SLC45A4: variants seen among roughly 807,000 people sequenced by gnomAD.
The protein encoded by SLC45A4 is solute carrier family 45 member 4.
A neutral mutation model predicts 63.7 loss-of-function variants in SLC45A4; 32 were observed. That is an observed-to-expected ratio of 0.50 (90% confidence interval 0.38 to 0.67). The LOEUF (loss-of-function observed/expected upper bound fraction) is 0.67. SLC45A4 is among the 30% of genes least tolerant of loss of function. The pLI, the probability that SLC45A4 is intolerant of heterozygous loss-of-function variation, is 0.00. For synonymous variants in SLC45A4, 535 were observed against 510.0 expected, an observed-to-expected ratio of 1.05 and a Z score of -0.66; for missense variants, 1,027 against 1,157.7, an observed-to-expected ratio of 0.89 and a Z score of 1.64.
At chr8:141,212,671 G>T (rs2154613937) in intron 7 of SLC45A4, 115 bp from the exon 8 acceptor site, 1 of 1,317,690 alleles carries the variant, frequency 7.6e-7, no homozygotes, top group Non-Finnish European at 1.0e-6. Context: ...CTTCCACCGA[G>T]TCTCTTGGCA....
intron 2 of SLC45A4, among the ~76,000 whole-genome samples, chr8:141,233,358 A>T (rs78810055): frequency 6.6e-6 from 1 of 152,190 alleles, no homozygotes; most frequent in Admixed American, 6.5e-5. Context: ...TTACTATTGC[A>T]GTTTATCAAT....
rs1209625548 is a variant in SLC45A4 at position 141,254,891 on chromosome 8, A to C, written c.-400-262T>G. ...GAAAGCAGGATCAAAGAACAGACAGAGAAAAACGCTGGAAATATTCACTCT... is the reference window on the plus strand; with the variant it reads ...GAAAGCAGGATCAAAGAACAGACAGCGAAAAACGCTGGAAATATTCACTCT... On this transcript the variant is annotated intron_variant, in intron 1 of 8. Transcript: ENST00000517878. The surrounding 1 kb of genome is among the most constrained non-coding windows in gnomAD (Gnocchi z 4.5). 2 of 389,248 alleles carry C rather than the reference A, an allele frequency of 5.1e-6. No homozygotes were observed. The highest frequency in any genetic ancestry group is 2.1e-5 in the African/African-American group (1 of 48,014). The allele number at this position is 389,248 out of a possible 1,614,324, so 24.1% of individuals were successfully genotyped here. A position where few individuals can be genotyped will look rare whatever the true frequency, so the allele number is the denominator to read the frequency against.
At chr8:141,219,912 G>C in intron 3 of SLC45A4, 83 bp from the exon 4 acceptor site, 2 of 1,330,156 alleles carry the variant, frequency 1.5e-6, no homozygotes, top group Non-Finnish European at 2.0e-6. Flanking sequence ...CATGGAAGGG[G>C]CATGCGGAGG....
In SLC45A4 at chr8:141,278,747, C is replaced by T. The variant is rs1040318810; in HGVS notation, c.-400-24118G>A. ...GAGAGGAAGCTGGGCTCCTTGCTAA[C>T]GTCTCAACAAGGCACAGACGCACCC... On this transcript the variant is annotated intron_variant, in intron 1 of 8. Coordinates refer to ENST00000517878, the MANE Select transcript of SLC45A4 (RefSeq NM_001286646.2). This position sits in a 1 kb window ranked among gnomAD's most constrained non-coding sequence, Gnocchi z 4.1. Among the ~76,000 whole-genome samples, 3 of 152,262 alleles carry T rather than the reference C, an allele frequency of 2.0e-5. No homozygotes were observed. Among genetic ancestry groups the T allele is most frequent in the Non-Finnish European group, 4.4e-5 (3 of 68,042 alleles).
intron 1 of SLC45A4, among the ~76,000 whole-genome samples, chr8:141,276,430 G>A (rs1829730181): frequency 6.6e-6 from 1 of 152,194 alleles, no homozygotes; most frequent in Non-Finnish European, 1.5e-5. Context: ...ACTGCACTGA[G>A]GTGCTAGTGG....
chr8:141,281,494 C>T (rs546411760), intron 1 of SLC45A4, among the ~76,000 whole-genome samples: 6 of 152,356 alleles, frequency 3.9e-5, no homozygotes, highest in East Asian at 3.9e-4. Context: ...CAGGCTCTCA[C>T]GGACAGAGCG....
At chr8:141,224,443 G>C (rs1217096497) in intron 2 of SLC45A4, 2 of 132,328 alleles carry the variant, frequency 1.5e-5, no homozygotes, top group Non-Finnish European at 3.5e-5. Flanking sequence ...TCAAAGCTGT[G>C]AGTTTTTTGG....
At chr8:141,225,340 C>T (rs1826910611) in intron 2 of SLC45A4, 1 of 152,224 alleles carries the variant, frequency 6.6e-6, no homozygotes, top group Admixed American at 6.5e-5. Flanking sequence ...CCGAACTCTG[C>T]CTGTGGGTTC....
chr8:141,251,602 A>T (rs553911914), intron 2 of SLC45A4, among the ~76,000 whole-genome samples: 1 of 152,104 alleles, frequency 6.6e-6, no homozygotes, highest in East Asian at 1.9e-4. Context: ...CCGGTCTCCT[A>T]CGTCCGAGCC....
At chr8:141,276,330 C>T (rs984254627) in intron 1 of SLC45A4, among the ~76,000 whole-genome samples, 1 of 152,226 alleles carries the variant, frequency 6.6e-6, no homozygotes, top group African/African-American at 2.4e-5. Flanking sequence ...AGATGACTTA[C>T]TGAATCTCAG....
At chr8:141,297,362 C>G (rs765674710) in intron 1 of SLC45A4, among the ~76,000 whole-genome samples, 5 of 152,076 alleles carry the variant, frequency 3.3e-5, no homozygotes, top group African/African-American at 7.2e-5. Flanking sequence ...CCCGCTAAGC[C>G]GAAGCAGAAC....
At chr8:141,284,653 C>T (rs1391417190) in intron 1 of SLC45A4, among the ~76,000 whole-genome samples, 4 of 152,218 alleles carry the variant, frequency 2.6e-5, no homozygotes, top group Non-Finnish European at 5.9e-5. Context: ...CAAAATATTT[C>T]TAGTTTGGCC....
At chr8:141,231,878 A>G (rs1827374390) in intron 2 of SLC45A4, among the ~76,000 whole-genome samples, 1 of 152,222 alleles carries the variant, frequency 6.6e-6, no homozygotes, top group Non-Finnish European at 1.5e-5. Flanking sequence ...GTGAGGGCAA[A>G]TGGCCCGAGA....
At position 141,254,823 on chromosome 8, in the gene SLC45A4, A is replaced by C. The variant is rs143925118; in HGVS notation, c.-400-194T>G. The C allele has an allele frequency of 2.9e-4, 149 of 517,742 alleles. 1 individual carries two copies. In the East Asian group the frequency reaches 6.0e-3, roughly 21 times the overall value. The allele number at this position is 517,742 out of a possible 1,614,324, so 32.1% of individuals were successfully genotyped here. On this transcript the variant is annotated intron_variant, in intron 1 of 8. Coordinates refer to ENST00000517878, the MANE Select transcript of SLC45A4 (RefSeq NM_001286646.2). This position sits in a 1 kb window ranked among gnomAD's most constrained non-coding sequence, Gnocchi z 4.5. Reference sequence around the variant, plus strand: ...ACTTTCTAGAAAAACATTTTCTCATACGAAAGTGAATCCTGGGGAAGGACA... The same window carrying C: ...ACTTTCTAGAAAAACATTTTCTCATCCGAAAGTGAATCCTGGGGAAGGACA...
chr8:141,266,271 T>A (rs1829261494), intron 1 of SLC45A4, among the ~76,000 whole-genome samples: 1 of 152,146 alleles, frequency 6.6e-6, no homozygotes, highest in Non-Finnish European at 1.5e-5. Flanking sequence ...CGCATGGGCC[T>A]GACACCATGG....
rs192565246 is a variant in SLC45A4 at position 141,257,011 on chromosome 8, G to A, written c.-400-2382C>T. ...TGGGATTACAGGCACATGCCACCAC[G>A]CCCAGCTAACTTTTGTATTTTTAGT... On this transcript the variant is annotated intron_variant, in intron 1 of 8. Transcript: ENST00000517878. Among the ~76,000 whole-genome samples, 31 of 152,178 alleles carry A rather than the reference G, an allele frequency of 2.0e-4. No homozygotes were observed. In the East Asian group the frequency reaches 3.5e-3, roughly 17 times the overall value.
intron 1 of SLC45A4, among the ~76,000 whole-genome samples, chr8:141,273,760 GAA>G (rs1369899960): frequency 1.3e-5 from 2 of 152,032 alleles, no homozygotes; most frequent in African/African-American, 4.8e-5. Flanking sequence ...ACCTCAAGCA[GAA>G]AAGAACATAG....
chr8:141,217,033 TTC>T, intron 6 of SLC45A4, 55 bp downstream of exon 6: 2 of 1,560,804 alleles, frequency 1.3e-6, no homozygotes, highest in Non-Finnish European at 1.8e-6. Context: ...TCGTCTGCAT[TTC>T]TAATCACTGA....
rs1826852210 is a variant in SLC45A4, at chr8:141,224,432, T to G, written c.242-2667A>C. 6 of 148,812 alleles carry G rather than the reference T, an allele frequency of 4.0e-5. No homozygotes were observed. In the South Asian group the frequency reaches 1.3e-3, roughly 33 times the overall value. The allele number at this position is 148,812 out of a possible 1,614,324, so 9.2% of individuals were successfully genotyped here. A position where few individuals can be genotyped will look rare whatever the true frequency, so the allele number is the denominator to read the frequency against. ...TCCCGTTCATCCCGTTACGTCTTACTTCAAAGCTGTGAGTTTTTTGGTTTT... is the reference window on the plus strand; with the variant it reads ...TCCCGTTCATCCCGTTACGTCTTACGTCAAAGCTGTGAGTTTTTTGGTTTT... On this transcript the variant is annotated intron_variant, in intron 2 of 8. Transcript: ENST00000517878.
Sources: gnomAD v4.1 joint callset for allele counts (sites outside exome capture counted in the v4.1 genomes callset) on GRCh38, gnomAD v4.1.1 for gene constraint, Gnocchi (gnomAD v3.1) non-coding constraint, MANE v1.5 for transcripts, NCBI Gene and HGNC (gene_info 2026-07-23, HGNC 2026-07-21) for gene names.